The following DYNLT2B variants were observed in gnomAD, a reference collection of about 807,000 sequenced individuals.
DYNLT2B encodes dynein light chain Tctex-type 2B, also known as dynein light chain Tctex-type protein 2B.
Under a neutral mutation model 19.5 loss-of-function variants are expected in DYNLT2B, and 14 were observed. The observed-to-expected ratio is 0.72, with a 90% CI of 0.47 to 1.12. The LOEUF is 1.12. Among genes scored for constraint, DYNLT2B ranks in the 50% most tolerant of loss-of-function variants. The probability of loss-of-function intolerance (pLI) is 0.00; values close to 1 mark genes in which losing one functional copy is unlikely to be tolerated. For synonymous variants in DYNLT2B, 70 were observed against 59.7 expected, an observed-to-expected ratio of 1.17 and a Z score of -0.79; for missense variants, 133 against 174.7, an observed-to-expected ratio of 0.76 and a Z score of 1.35.
rs1311597128 is a variant in DYNLT2B at position 196,317,039 on chromosome 3, TGTGTG to T, written c.114-813_114-809del. ...TTTTTTCAGTGTGTGTGTGTGTGTG[TGTGTG>T]TTGTGTGGTGTGTGTGTGGTGTGTG... On this transcript the variant is annotated intron_variant, in intron 1 of 4. Coordinates refer to ENST00000325318, the MANE Select transcript of DYNLT2B (RefSeq NM_152773.5). Among the ~76,000 whole-genome samples the T allele has an allele frequency of 1.8e-4, 21 of 114,134 alleles. 1 individual carries two copies. The South Asian group carries it at 7.4e-3, about 40-fold the overall frequency. The allele number at this position is 114,134 out of a possible 152,430, so 74.9% of individuals were successfully genotyped here.
chr3:196,315,245 A>C lies in DYNLT2B; in HGVS notation c.247+853T>G, dbSNP rs1221534598. On this transcript the variant is annotated intron_variant, in intron 2 of 4. Coordinates refer to ENST00000325318, the MANE Select transcript of DYNLT2B (RefSeq NM_152773.5). ...TTCTATTTACGTTTTTTTAATAGAG[A>C]TGTTTTATTTTTTTATTTTGCTTTT... 1.7e-5 allele frequency: 7 copies of C among 419,634 alleles called. No homozygotes were observed. The East Asian group carries it at 4.6e-4, about 27-fold the overall frequency. 26.0% of individuals were successfully genotyped at this position (419,634 alleles called of 1,614,324 possible). A position where few individuals can be genotyped will look rare whatever the true frequency, so the allele number is the denominator to read the frequency against.
At chr3:196,314,642 A>G (rs1486115548) in intron 2 of DYNLT2B, among the ~76,000 whole-genome samples, 1 of 151,668 alleles carries the variant, frequency 6.6e-6, no homozygotes, top group Non-Finnish European at 1.5e-5. Context: ...GCAAGACACC[A>G]TCTCTACAGA....
intron 2 of DYNLT2B, among the ~76,000 whole-genome samples, chr3:196,315,565 T>C (rs1275518846): frequency 6.6e-6 from 1 of 151,484 alleles, no homozygotes; most frequent in Non-Finnish European, 1.5e-5. Flanking sequence ...CCGGCCTTTA[T>C]TTTGCTTTTT....
chr3:196,311,284 A>G (rs1235471892), intron 2 of DYNLT2B, among the ~76,000 whole-genome samples: 1 of 151,912 alleles, frequency 6.6e-6, no homozygotes, highest in African/African-American at 2.4e-5. Flanking sequence ...GTGTGGTGGC[A>G]GGCGCCTGTA....
chr3:196,307,403 A>C (rs1577391176), intron 2 of DYNLT2B, among the ~76,000 whole-genome samples: 1 of 152,190 alleles, frequency 6.6e-6, no homozygotes, highest in Middle Eastern at 3.4e-3. Flanking sequence ...CCAGGGTTCA[A>C]GTGATTCTCC....
intron 2 of DYNLT2B, among the ~76,000 whole-genome samples, chr3:196,315,895 A>T (rs1269632737): frequency 6.6e-6 from 1 of 152,072 alleles, no homozygotes; most frequent in Non-Finnish European, 1.5e-5. Context: ...AATAGACATG[A>T]GGCCTCACCA....
intron 2 of DYNLT2B, chr3:196,315,251 TA>T (rs747591602): frequency 1.2e-5 from 5 of 418,618 alleles, no homozygotes; most frequent in South Asian, 5.2e-5. Context: ...AGAGATGTTT[TA>T]TTTTTTTATT....
intron 2 of DYNLT2B, among the ~76,000 whole-genome samples, chr3:196,315,018 A>C (rs991784251): frequency 1.4e-4 from 22 of 152,076 alleles, no homozygotes; most frequent in African/African-American, 4.8e-4. Flanking sequence ...TTGGGGGAAG[A>C]AACAACCAAG....
At chr3:196,300,556 C>G (rs1171473529) in intron 3 of DYNLT2B, among the ~76,000 whole-genome samples, 1 of 151,846 alleles carries the variant, frequency 6.6e-6, no homozygotes, top group Non-Finnish European at 1.5e-5. Context: ...ATGGTGAAAC[C>G]CCATCTCTAC....
chr3:196,297,141 C>G (rs1726243283), intron 3 of DYNLT2B, among the ~76,000 whole-genome samples: 2 of 151,918 alleles, frequency 1.3e-5, no homozygotes, highest in South Asian at 4.2e-4. Context: ...GATAGCACCA[C>G]TGCACTCCAG....
intron 3 of DYNLT2B, among the ~76,000 whole-genome samples, chr3:196,306,710 G>A (rs1315079021): frequency 5.3e-5 from 8 of 151,916 alleles, no homozygotes; most frequent in African/African-American, 1.2e-4. Flanking sequence ...CATCACACCC[G>A]GCTAATTTTT....
chr3:196,291,583 A>G (rs532127213), intron 4 of DYNLT2B, among the ~76,000 whole-genome samples: 64 of 152,226 alleles, frequency 4.2e-4, no homozygotes, highest in African/African-American at 1.4e-3. Flanking sequence ...CACTCAGGCA[A>G]TCCTTCTACC....
At chr3:196,309,928 A>G (rs1324768034) in intron 2 of DYNLT2B, among the ~76,000 whole-genome samples, 2 of 149,976 alleles carry the variant, frequency 1.3e-5, no homozygotes, top group African/African-American at 4.9e-5. Context: ...AGCTTGTGCA[A>G]CAAGACCGAA....
intron 3 of DYNLT2B, among the ~76,000 whole-genome samples, chr3:196,297,529 A>C (rs1467699977): frequency 7.0e-6 from 1 of 141,986 alleles, no homozygotes; most frequent in Admixed American, 7.6e-5. Flanking sequence ...TGTCTCAAAA[A>C]CTAATAATAA....
chr3:196,303,263 G>T (rs190478292), intron 3 of DYNLT2B, among the ~76,000 whole-genome samples: 1 of 152,022 alleles, frequency 6.6e-6, no homozygotes, highest in Non-Finnish European at 1.5e-5. Flanking sequence ...TCTGCTCCCC[G>T]AATGCTGGGA....
At chr3:196,307,056 A>T (rs1726508833) in intron 2 of DYNLT2B, 44 bp from the exon 3 acceptor site, 3 of 1,559,960 alleles carry the variant, frequency 1.9e-6, no homozygotes, top group African/African-American at 2.7e-5. Context: ...ATATGTAGTA[A>T]AATTACTTAT....
intron 4 of DYNLT2B, among the ~76,000 whole-genome samples, chr3:196,292,782 G>A (rs1051488282): frequency 6.6e-6 from 1 of 152,002 alleles, no homozygotes; most frequent in Non-Finnish European, 1.5e-5. Flanking sequence ...GCAGTTTTCC[G>A]CTCAATACCA....
At chr3:196,298,118 T>C in intron 3 of DYNLT2B, 1 of 339,690 alleles carries the variant, frequency 2.9e-6, no homozygotes, top group Non-Finnish European at 5.8e-6. Context: ...CCTGATTTTA[T>C]TACCAGTTTT....
chr3:196,293,859 G>T (rs1351229674), intron 4 of DYNLT2B, among the ~76,000 whole-genome samples: 2 of 150,182 alleles, frequency 1.3e-5, no homozygotes, highest in Non-Finnish European at 3.0e-5. Flanking sequence ...TGGCCAGGAT[G>T]GTCTCAATCT....
Sources: allele counts gnomAD v4.1 joint callset (sites outside exome capture counted in the v4.1 genomes callset), GRCh38; gene constraint gnomAD v4.1.1; transcripts MANE v1.5; gene names NCBI Gene and HGNC (gene_info 2026-07-23, HGNC 2026-07-21).